The following DTNA variants were observed in gnomAD, a reference collection of about 807,000 sequenced individuals.
The protein encoded by DTNA is dystrobrevin alpha, also known as dystrophin-related protein 3.
In DTNA, 43 loss-of-function variants were observed where a neutral mutation model predicts 100.7. The observed-to-expected ratio is 0.43, with a 90% CI of 0.33 to 0.55. The LOEUF is 0.55. DTNA is among the 20% of genes least tolerant of loss of function. DTNA has a pLI of 0.04. For missense variants in DTNA, 798 were observed against 953.9 expected, an observed-to-expected ratio of 0.84 and a Z score of 2.15; for synonymous variants, 349 against 347.9, an observed-to-expected ratio of 1.00 and a Z score of -0.04.
At chr18:34,500,517 G>A (rs879537381) in intron 1 of DTNA, among the ~76,000 whole-genome samples, 12 of 151,142 alleles carry the variant, frequency 7.9e-5, no homozygotes, top group Non-Finnish European at 1.5e-4. Flanking sequence ...AGGCTGGAGC[G>A]CAATAGCACG....
chr18:34,777,930 C>A (rs1416285345), intron 3 of DTNA, among the ~76,000 whole-genome samples: 1 of 152,180 alleles, frequency 6.6e-6, no homozygotes, highest in Non-Finnish European at 1.5e-5. Flanking sequence ...TGAACTTTGA[C>A]TTTTCTTGCC....
At chr18:34,581,600 A>G (rs1447349219) in intron 1 of DTNA, among the ~76,000 whole-genome samples, 3 of 150,482 alleles carry the variant, frequency 2.0e-5, no homozygotes, top group African/African-American at 7.3e-5. Context: ...GCAATATGGC[A>G]GTCAGGCATG....
intron 1 of DTNA, among the ~76,000 whole-genome samples, chr18:34,527,714 T>C (rs1434933263): frequency 6.6e-6 from 1 of 152,138 alleles, no homozygotes; most frequent in Non-Finnish European, 1.5e-5. Context: ...TGGAGGCAAG[T>C]GCCTAGTTCC....
At chr18:34,837,253 A>G (rs1568712459) in intron 11 of DTNA, among the ~76,000 whole-genome samples, 1 of 152,210 alleles carries the variant, frequency 6.6e-6, no homozygotes, top group Non-Finnish European at 1.5e-5. Context: ...CACATTACCA[A>G]TACAATTGTA....
At chr18:34,799,582 A>G (rs1260933017) in intron 4 of DTNA, among the ~76,000 whole-genome samples, 1 of 152,218 alleles carries the variant, frequency 6.6e-6, no homozygotes, top group Non-Finnish European at 1.5e-5. Context: ...AACAGTGTTT[A>G]CTTGGCGTGG....
intron 3 of DTNA, among the ~76,000 whole-genome samples, chr18:34,785,295 A>G (rs893812978): frequency 1.3e-5 from 2 of 152,202 alleles, no homozygotes; most frequent in Non-Finnish European, 1.5e-5. Context: ...CATTTCATCC[A>G]CTAAAGGGAA....
At chr18:34,589,065 GC>G (rs1438637339) in intron 1 of DTNA, among the ~76,000 whole-genome samples, 4 of 151,406 alleles carry the variant, frequency 2.6e-5, no homozygotes, top group Admixed American at 2.6e-4. Flanking sequence ...TGTACATACA[GC>G]CCTTTGCATG....
chr18:34,878,918 C>T (rs1461993095), intron 19 of DTNA, among the ~76,000 whole-genome samples: 1 of 152,176 alleles, frequency 6.6e-6, no homozygotes, highest in Non-Finnish European at 1.5e-5. Flanking sequence ...AAATCCTGGA[C>T]TTCGCTTTCT....
intron 1 of DTNA, among the ~76,000 whole-genome samples, chr18:34,578,889 G>A (rs2048362099): frequency 6.6e-6 from 1 of 152,058 alleles, no homozygotes; most frequent in Non-Finnish European, 1.5e-5. Context: ...TTAATGTAAT[G>A]TTTACCGTCA....
intron 1 of DTNA, among the ~76,000 whole-genome samples, chr18:34,555,471 G>C (rs1039327535): frequency 1.3e-5 from 2 of 151,866 alleles, no homozygotes; most frequent in African/African-American, 4.8e-5. Context: ...TGATGTTAGG[G>C]TGTCAATTTT....
intron 1 of DTNA, among the ~76,000 whole-genome samples, chr18:34,719,949 G>A (rs1419786770): frequency 6.6e-6 from 1 of 152,106 alleles, no homozygotes; most frequent in Non-Finnish European, 1.5e-5. Context: ...TGCTGCTAAT[G>A]GTACTAATAA....
chr18:34,698,538 TACTAG>T (rs1375936355), intron 1 of DTNA, among the ~76,000 whole-genome samples: 1 of 152,204 alleles, frequency 6.6e-6, no homozygotes, highest in African/African-American at 2.4e-5. Flanking sequence ...CTTATACAGA[TACTAG>T]TTGTCTTATG....
intron 17 of DTNA, chr18:34,867,145 A>T: frequency 8.1e-7 from 1 of 1,231,274 alleles, no homozygotes; most frequent in Non-Finnish European, 1.0e-6. Flanking sequence ...TAGAACCACA[A>T]CCTGTCCAAT....
intron 1 of DTNA, among the ~76,000 whole-genome samples, chr18:34,677,305 G>T (rs1379764445): frequency 6.6e-6 from 1 of 152,084 alleles, no homozygotes; most frequent in African/African-American, 2.4e-5. Flanking sequence ...TCTGAGCATT[G>T]TTTAGGCTCC....
intron 4 of DTNA, among the ~76,000 whole-genome samples, chr18:34,799,194 C>T (rs935438468): frequency 8.5e-5 from 13 of 152,146 alleles, no homozygotes; most frequent in Admixed American, 3.9e-4. Flanking sequence ...ACATAATAGT[C>T]TTACGTAGAG....
At chr18:34,545,099 T>TG (rs2044634549) in intron 1 of DTNA, among the ~76,000 whole-genome samples, 1 of 151,978 alleles carries the variant, frequency 6.6e-6, no homozygotes. Flanking sequence ...TGTAAGTCCT[T>TG]GGCAAGCTAC....
chr18:34,807,676 T>G (rs1461427241), intron 5 of DTNA, among the ~76,000 whole-genome samples: 1 of 151,974 alleles, frequency 6.6e-6, no homozygotes, highest in East Asian at 1.9e-4. Context: ...GGGACTTCCC[T>G]CCATGGAGAG....
At chr18:34,858,443 A>C (rs2096577998) in intron 16 of DTNA, 45 bp downstream of exon 16, 1 of 1,588,198 alleles carries the variant, frequency 6.3e-7, no homozygotes, top group East Asian at 2.2e-5. Flanking sequence ...TATATGTGTC[A>C]GATCTTTGAG....
chr18:34,624,977 T>C (rs1401673010), intron 1 of DTNA, among the ~76,000 whole-genome samples: 2 of 151,928 alleles, frequency 1.3e-5, no homozygotes, highest in Non-Finnish European at 2.9e-5. Context: ...CAAGCGATTC[T>C]CCTGCCTCAG....
Sources: allele counts gnomAD v4.1 joint callset (sites outside exome capture counted in the v4.1 genomes callset), GRCh38; gene constraint gnomAD v4.1.1; transcripts MANE v1.5; gene names NCBI Gene and HGNC (gene_info 2026-07-23, HGNC 2026-07-21).